The following PIEZO2 variants were observed in gnomAD, a reference collection of about 807,000 sequenced individuals.
The protein encoded by PIEZO2 is piezo type mechanosensitive ion channel component 2, also known as piezo-type mechanosensitive ion channel component 2.
In PIEZO2, 172 loss-of-function variants were observed where a neutral mutation model predicts 337.3. That is an observed-to-expected ratio of 0.51 (90% CI 0.45 to 0.58). PIEZO2 has a LOEUF of 0.58. Among genes scored for constraint, PIEZO2 ranks in the 20% least tolerant of loss-of-function variants. PIEZO2 has a pLI of 0.00. For synonymous variants in PIEZO2, 1,251 were observed against 1,228.5 expected, an observed-to-expected ratio of 1.02 and a Z score of -0.38; for missense variants, 3,028 against 3,391.3, an observed-to-expected ratio of 0.89 and a Z score of 2.66.
At chr18:10,684,110 T>C (rs149807641) in intron 49 of PIEZO2, among the ~76,000 whole-genome samples, 233 of 11,050 alleles carry the variant, frequency 0.021, 1 homozygote, top group Middle Eastern at 0.12. Flanking sequence ...CTCTCTCTCT[T>C]TCTTTCTTTC....
At chr18:10,710,609 A>T (rs2035779121) in intron 39 of PIEZO2, among the ~76,000 whole-genome samples, 1 of 152,248 alleles carries the variant, frequency 6.6e-6, no homozygotes, top group Admixed American at 6.5e-5. Flanking sequence ...TCCACTTGTT[A>T]GGATCCCACC....
intron 7 of PIEZO2, among the ~76,000 whole-genome samples, chr18:10,845,951 C>T (rs2041345083): frequency 6.6e-6 from 1 of 152,186 alleles, no homozygotes; most frequent in Non-Finnish European, 1.5e-5. Context: ...TCACTTAGTT[C>T]CTAAGCAGAG....
At chr18:11,064,942 G>A (rs998723319) in intron 2 of PIEZO2, among the ~76,000 whole-genome samples, 1 of 152,194 alleles carries the variant, frequency 6.6e-6, no homozygotes, top group African/African-American at 2.4e-5. Context: ...CTTTAGGAAT[G>A]AGGCTGTGGT....
chr18:10,907,537 G>A (rs771125791), intron 4 of PIEZO2, among the ~76,000 whole-genome samples: 3 of 152,048 alleles, frequency 2.0e-5, no homozygotes, highest in Admixed American at 6.6e-5. Context: ...CCGTGGAGGC[G>A]AGCTGCCCCA....
rs138091062 is a variant in PIEZO2 at position 10,846,594 on chromosome 18, T to C, written c.917+8759A>G. ...CAAAGCCAAAAAAGCCCATCATGGC[T>C]CTGAAGAACTGGGTCCTAGTGAGTC... On this transcript the variant is annotated intron_variant, in intron 7 of 55. Transcript: ENST00000674853. The surrounding 1 kb of genome is among the most constrained non-coding windows in gnomAD (Gnocchi z 4.1). Among the ~76,000 whole-genome samples the C allele has an allele frequency of 7.7e-3, 1,179 of 152,284 alleles. 12 individuals are homozygous for C. Among genetic ancestry groups the C allele is most frequent in the African/African-American group, 0.027 (1,109 of 41,538 alleles).
At position 10,748,770 on chromosome 18, in the gene PIEZO2, T is replaced by C; in HGVS notation, c.4265-140A>G. 1 of 768,186 alleles carries C rather than the reference T, an allele frequency of 1.3e-6. No homozygotes were observed. The highest frequency in any genetic ancestry group is 2.0e-6 in the Non-Finnish European group (1 of 507,176). The allele number at this position is 768,186 out of a possible 1,614,324, so 47.6% of individuals were successfully genotyped here. A position where few individuals can be genotyped will look rare whatever the true frequency, so the allele number is the denominator to read the frequency against. On this transcript the variant is annotated intron_variant, in intron 29 of 55. Coordinates refer to ENST00000674853, the MANE Select transcript of PIEZO2 (RefSeq NM_001378183.1). The surrounding 1 kb of genome is among the most constrained non-coding windows in gnomAD (Gnocchi z 5.1). ...ATGCTCTGACTTACTTATGAGTTGA[T>C]TTATTTACAAGGAGATCACACACTT...
rs1163602787 is a variant in PIEZO2 at position 10,833,758 on chromosome 18, C to T, written c.917+21595G>A. Among the ~76,000 whole-genome samples, 1 of 152,186 alleles carries T rather than the reference C, an allele frequency of 6.6e-6. No homozygotes were observed. The highest frequency in any genetic ancestry group is 1.5e-5 in the Non-Finnish European group (1 of 68,038). ...TTGGGTCAAATATGTGTTTGTTCCC[C>T]AGTTTGGAGCCTCAAGACTTGCCTA... On this transcript the variant is annotated intron_variant, in intron 7 of 55. Transcript: ENST00000674853. This position sits in a 1 kb window ranked among gnomAD's most constrained non-coding sequence, Gnocchi z 4.7.
chr18:10,837,745 AT>A lies in PIEZO2; in HGVS notation c.917+17607del, dbSNP rs900212955. On this transcript the variant is annotated intron_variant, in intron 7 of 55. Coordinates refer to ENST00000674853, the MANE Select transcript of PIEZO2 (RefSeq NM_001378183.1). The surrounding 1 kb of genome is among the most constrained non-coding windows in gnomAD (Gnocchi z 4.4). Reference sequence around the variant, plus strand: ...CCCAACCATTTTATAAAATTTCCTCATTTTTTTTTGTTGTTGTTGTTGTTGA... The same window carrying A: ...CCCAACCATTTTATAAAATTTCCTCATTTTTTTTGTTGTTGTTGTTGTTGA... 2.7e-5 allele frequency among the ~76,000 whole-genome samples: 4 copies of A among 150,180 alleles called. No homozygotes were observed. The highest frequency in any genetic ancestry group is 9.9e-5 in the African/African-American group (4 of 40,502).
At chr18:10,796,902 A>T (rs2039619018) in intron 12 of PIEZO2, among the ~76,000 whole-genome samples, 1 of 152,128 alleles carries the variant, frequency 6.6e-6, no homozygotes, top group Admixed American at 6.5e-5. Context: ...ATACCATCAT[A>T]TCATATCTTA....
At chr18:11,118,853 C>G (rs777782479) in intron 1 of PIEZO2, among the ~76,000 whole-genome samples, 23 of 152,096 alleles carry the variant, frequency 1.5e-4, no homozygotes, top group Non-Finnish European at 2.5e-4. Context: ...GTTGCAGACA[C>G]AGTTAGACCC....
chr18:10,751,761 C>T (rs1006250054), intron 28 of PIEZO2, among the ~76,000 whole-genome samples: 2 of 152,186 alleles, frequency 1.3e-5, no homozygotes, highest in African/African-American at 4.8e-5. Context: ...CAGGGATAAA[C>T]CTTAAGTGAG....
intron 1 of PIEZO2, among the ~76,000 whole-genome samples, chr18:11,075,754 G>T (rs1202622247): frequency 1.3e-5 from 2 of 150,912 alleles, no homozygotes; most frequent in African/African-American, 4.9e-5. Context: ...GCTCACATAT[G>T]TGTGACAGGA....
intron 2 of PIEZO2, among the ~76,000 whole-genome samples, chr18:10,983,532 A>AGCACTG: frequency 6.6e-6 from 1 of 152,252 alleles, no homozygotes; most frequent in East Asian, 1.9e-4. Context: ...CTTCACCCAG[A>AGCACTG]GCACTGAAGG....
rs2145246267 is a variant in PIEZO2, at chr18:10,940,656, GATTGAGACCATCCT to G, written c.287-29442_287-29429del. Among the ~76,000 whole-genome samples, 1 of 152,320 alleles carries G rather than the reference GATTGAGACCATCCT, an allele frequency of 6.6e-6. No homozygotes were observed. The highest frequency in any genetic ancestry group is 2.4e-5 in the African/African-American group (1 of 41,576). On this transcript the variant is annotated intron_variant, in intron 3 of 55. Coordinates refer to ENST00000674853, the MANE Select transcript of PIEZO2 (RefSeq NM_001378183.1). This position sits in a 1 kb window ranked among gnomAD's most constrained non-coding sequence, Gnocchi z 5.3. ...AGGCGGGCGGCTCACAAGGCCAAGT[GATTGAGACCATCCT>G]AGCCAACATGGTGAAACCCTATCTC...
At chr18:11,122,843 G>A (rs539129468) in intron 1 of PIEZO2, among the ~76,000 whole-genome samples, 1 of 151,842 alleles carries the variant, frequency 6.6e-6, no homozygotes, top group South Asian at 2.1e-4. Context: ...CAAACAAGAC[G>A]ACAAGTCTTT....
rs763288809 is a variant in PIEZO2, at chr18:10,853,082, T to C, written c.917+2271A>G. ...AAAATGGCGGAGTTTAACTGGTACA[T>C]GACCTTGTAGGAGCATTCGGTGAGG... is the stretch of plus-strand genomic sequence containing the variant. On this transcript the variant is annotated intron_variant, in intron 7 of 55. Coordinates refer to ENST00000674853, the MANE Select transcript of PIEZO2 (RefSeq NM_001378183.1). The surrounding 1 kb of genome is among the most constrained non-coding windows in gnomAD (Gnocchi z 4.2). 9.2e-5 allele frequency among the ~76,000 whole-genome samples: 14 copies of C among 152,160 alleles called. No homozygotes were observed. Among genetic ancestry groups the C allele is most frequent in the South Asian group, 4.1e-4 (2 of 4,826 alleles).
rs960462731 is a variant in PIEZO2 at position 11,031,906 on chromosome 18, T to C, written c.160+34221A>G. On this transcript the variant is annotated intron_variant, in intron 2 of 55. Transcript: ENST00000674853. This position sits in a 1 kb window ranked among gnomAD's most constrained non-coding sequence, Gnocchi z 4.7. ...GCTGAATATTAGCCCAACCCTTTAT[T>C]CTCACCATCACATTTCCAAGATACG... Among the ~76,000 whole-genome samples the C allele has an allele frequency of 2.0e-5, 3 of 152,202 alleles. No individual in the cohort carries two copies. The highest frequency in any genetic ancestry group is 2.9e-5 in the Non-Finnish European group (2 of 68,042).
rs2032853207 is a variant in PIEZO2, at chr18:10,943,828, A to T, written c.287-32600T>A. 6.6e-6 allele frequency among the ~76,000 whole-genome samples: 1 copy of T among 152,074 alleles called. No individual in the cohort carries two copies. The highest frequency in any genetic ancestry group is 1.5e-5 in the Non-Finnish European group (1 of 68,010). ...AGTTGCAGAAGGGACCCGGTGGGAG[A>T]TGACTGAATCATGGGAGCAAGTCTT... On this transcript the variant is annotated intron_variant, in intron 3 of 55. Coordinates refer to ENST00000674853, the MANE Select transcript of PIEZO2 (RefSeq NM_001378183.1). This position sits in a 1 kb window ranked among gnomAD's most constrained non-coding sequence, Gnocchi z 4.5.
chr18:10,706,318 C>T (rs2035584227), intron 40 of PIEZO2, among the ~76,000 whole-genome samples: 1 of 152,146 alleles, frequency 6.6e-6, no homozygotes, highest in Non-Finnish European at 1.5e-5. Flanking sequence ...TTTATTCTTC[C>T]ACCCTGCTTT....
Sources: allele counts gnomAD v4.1 joint callset (sites outside exome capture counted in the v4.1 genomes callset), GRCh38; gene constraint gnomAD v4.1.1; non-coding constraint Gnocchi (gnomAD v3.1); transcripts MANE v1.5; gene names NCBI Gene and HGNC (gene_info 2026-07-23, HGNC 2026-07-21).